Variants in HSPG2 observed in about 807,000 individuals in gnomAD.
The protein encoded by HSPG2 is heparan sulfate proteoglycan 2.
A neutral mutation model predicts 526.6 loss-of-function variants in HSPG2; 278 were observed. That is an observed-to-expected ratio of 0.53 (90% CI 0.48 to 0.58). The LOEUF is 0.58. Among genes scored for constraint, HSPG2 ranks in the 20% least tolerant of loss-of-function variants. HSPG2 has a pLI of 0.00. For missense variants in HSPG2, 5,354 were observed against 6,099.5 expected (o/e 0.88, Z 4.07); for synonymous variants, 2,465 against 2,555.4 (o/e 0.96, Z 1.07).
intron 37 of HSPG2, 138 bp downstream of exon 37, chr1:21,863,962 G>A: frequency 1.4e-6 from 1 of 713,160 alleles, no homozygotes; most frequent in Non-Finnish European, 2.5e-6. Context: ...GACCTGGCCT[G>A]CTGACCCAGG....
rs376520698 is a variant in HSPG2 at position 21,878,301 on chromosome 1, C to T, written c.2618-48G>A. On this transcript the variant is annotated intron_variant, in intron 20 of 96. Transcript: ENST00000374695. ...GCAGGGCAGGTGGGAATGGGATATA[C>T]GTGGTCCGGGCAGATAGAGGAACAG... 173 of 1,601,178 alleles carry T rather than the reference C, an allele frequency of 1.1e-4. 1 individual carries two copies. Among genetic ancestry groups the T allele is most frequent in the African/African-American group, 6.6e-4 (49 of 74,778 alleles).
chr1:21,931,949 G>A (rs952589681), intron 1 of HSPG2, among the ~76,000 whole-genome samples: 2 of 152,202 alleles, frequency 1.3e-5, no homozygotes, highest in African/African-American at 4.8e-5. Context: ...ACACTGGGCA[G>A]GGCCAGCCTG....
In HSPG2 at chr1:21,854,197, G is replaced by T. The variant is rs765103199; in HGVS notation, c.6435C>A (p.Thr2145=). ...LHGTHSGPSY[T]PVPGSTRPIR... ...CAGCCACACCTGGCTCCTCACCTGGGGTGTAGCTGGGGCCAGAATGGGTGC... is the reference window on the plus strand; with the variant it reads ...CAGCCACACCTGGCTCCTCACCTGGTGTGTAGCTGGGGCCAGAATGGGTGC... The change falls in exon 50 of 97, where the codon ACC becomes ACA. Residue 2145 remains threonine (T), a synonymous_variant. Transcript: ENST00000374695. 1.3e-6 allele frequency: 2 copies of T among 1,587,926 alleles called. No individual in the cohort carries two copies. Among genetic ancestry groups the T allele is most frequent in the East Asian group, 4.6e-5 (2 of 43,576 alleles).
In HSPG2 at chr1:21,885,410, G is replaced by A. The variant is rs759220039; in HGVS notation, c.1120C>T (p.Arg374Ter). ...PEEVCGPTQF[R>*]CVSTNMCIPA... ...ATGCACATGTTGGTAGAGACGCATC[G>A]GAACTGTGTGGGCCCGCACACTTCC... Residue 374 changes from arginine to a stop codon, truncating the protein, a stop_gained, in exon 10 of 97, where the codon CGA becomes TGA. Transcript: ENST00000374695. LOFTEE classifies it high-confidence loss of function. 7 of 1,613,964 alleles carry A rather than the reference G, an allele frequency of 4.3e-6. No homozygotes were observed. The Admixed American group carries it at 5.0e-5, about 12-fold the overall frequency.
intron 1 of HSPG2, among the ~76,000 whole-genome samples, chr1:21,909,093 G>A (rs1233365251): frequency 6.6e-6 from 1 of 152,202 alleles, no homozygotes; most frequent in Admixed American, 6.5e-5. Context: ...GGGCGACAGA[G>A]TGAGACTCCA....
intron 9 of HSPG2, among the ~76,000 whole-genome samples, chr1:21,886,131 C>T (rs932916024): frequency 1.3e-5 from 2 of 152,238 alleles, no homozygotes; most frequent in Non-Finnish European, 2.9e-5. Context: ...GCAGCTCAGG[C>T]GCTTCTGTTC....
chr1:21,824,401 G>T lies in HSPG2; in HGVS notation c.12745-25C>A, dbSNP rs1440312137. 1 of 1,613,012 alleles carries T rather than the reference G, an allele frequency of 6.2e-7. No homozygotes were observed. The highest frequency in any genetic ancestry group is 1.3e-5 in the African/African-American group (1 of 74,906). On this transcript the variant is annotated intron_variant, in intron 93 of 96. Coordinates refer to ENST00000374695, the MANE Select transcript of HSPG2 (RefSeq NM_005529.7). The surrounding 1 kb of genome is among the most constrained non-coding windows in gnomAD (Gnocchi z 5.9). ...CCTGCCAGGGAAGCACAGGGTCTCTGGGGTCCCCAGCCTGGAGAGCAGAGG... is the reference window on the plus strand; with the variant it reads ...CCTGCCAGGGAAGCACAGGGTCTCTTGGGTCCCCAGCCTGGAGAGCAGAGG...
At position 21,904,476 on chromosome 1, in the gene HSPG2, C is replaced by T. The variant is rs531773609; in HGVS notation, c.64-8166G>A. On this transcript the variant is annotated intron_variant, in intron 1 of 96. Coordinates refer to ENST00000374695, the MANE Select transcript of HSPG2 (RefSeq NM_005529.7). This position sits in a 1 kb window ranked among gnomAD's most constrained non-coding sequence, Gnocchi z 4.4. Reference sequence around the variant, plus strand: ...TTTTCCATTTAAAAGGGCCGCCCCTCAGTTGTGCTGCTGACCCGGTGCTAG... The same window carrying T: ...TTTTCCATTTAAAAGGGCCGCCCCTTAGTTGTGCTGCTGACCCGGTGCTAG... Among the ~76,000 whole-genome samples the T allele has an allele frequency of 9.2e-5, 14 of 152,246 alleles. No individual in the cohort carries two copies. Among genetic ancestry groups the T allele is most frequent in the African/African-American group, 3.4e-4 (14 of 41,546 alleles).
At position 21,915,131 on chromosome 1, in the gene HSPG2, C is replaced by T. The variant is rs1044526728; in HGVS notation, c.64-18821G>A. 2.4e-4 allele frequency among the ~76,000 whole-genome samples: 37 copies of T among 152,254 alleles called. 1 individual carries two copies. Among genetic ancestry groups the T allele is most frequent in the Admixed American group, 2.2e-3 (34 of 15,294 alleles). On this transcript the variant is annotated intron_variant, in intron 1 of 96. Transcript: ENST00000374695. ...AGCCCTCACGGGCACCCGGCCAGATCGTGAGGCCCAGCCAAGTGCAAACAG... is the reference window on the plus strand; with the variant it reads ...AGCCCTCACGGGCACCCGGCCAGATTGTGAGGCCCAGCCAAGTGCAAACAG...
chr1:21,873,919 C>A lies in HSPG2; in HGVS notation c.3743+6G>T, dbSNP rs1295478686. The stretch of plus-strand genomic sequence containing the variant: ...ATCCCCCCACCCTCTCCACCCCCTG[C>A]CTCACCTCTCACAGTGACGCCCACT... On this transcript the variant is annotated splice_donor_region_variant and intron_variant, in intron 29 of 96. Transcript: ENST00000374695. 5.7e-6 allele frequency: 9 copies of A among 1,577,006 alleles called. No homozygotes were observed. The highest frequency in any genetic ancestry group is 7.8e-6 in the Non-Finnish European group (9 of 1,160,530).
chr1:21,909,936 C>T (rs967799326), intron 1 of HSPG2, among the ~76,000 whole-genome samples: 1 of 152,234 alleles, frequency 6.6e-6, no homozygotes, highest in Non-Finnish European at 1.5e-5. Context: ...CCCCACCCAC[C>T]AGGCTCCCCC....
chr1:21,864,039 C>T lies in HSPG2; in HGVS notation c.4740+61G>A. ...GGATTGATGCCTGCCTTGTCCAGCC[C>T]TGGTCCCCCACCCAGGCCCAGCTGA... On this transcript the variant is annotated intron_variant, in intron 37 of 96. Transcript: ENST00000374695. The surrounding 1 kb of genome is among the most constrained non-coding windows in gnomAD (Gnocchi z 4.8). 2.3e-6 allele frequency: 3 copies of T among 1,310,532 alleles called. No homozygotes were observed. The highest frequency in any genetic ancestry group is 3.2e-6 in the Non-Finnish European group (3 of 929,574). 81.2% of individuals were successfully genotyped at this position (1,310,532 alleles called of 1,614,324 possible).
Position 21,880,836 on chromosome 1 carries a change from C to T in HSPG2, c.1819-1G>A, listed in dbSNP as rs868479224. 6.3e-7 allele frequency: 1 copy of T among 1,589,638 alleles called. No individual in the cohort carries two copies. The highest frequency in any genetic ancestry group is 8.6e-7 in the Non-Finnish European group (1 of 1,169,102). On this transcript the variant is annotated splice_acceptor_variant, in intron 14 of 96. Transcript: ENST00000374695. LOFTEE classifies it high-confidence loss of function. ...GCAGGGAGCCGCCATAGGAGTCCACCTGGCACAACAGGGTGGATCAGCACG... is the reference window on the plus strand; with the variant it reads ...GCAGGGAGCCGCCATAGGAGTCCACTTGGCACAACAGGGTGGATCAGCACG...
chr1:21,850,229 G>C, intron 56 of HSPG2, 37 bp from the exon 57 acceptor site: 1 of 1,612,984 alleles, frequency 6.2e-7, no homozygotes, highest in Non-Finnish European at 8.5e-7. Context: ...AGCCGGCTAG[G>C]AGGTGAGATG....
intron 14 of HSPG2, 129 bp downstream of exon 14, chr1:21,881,210 C>T: frequency 8.8e-7 from 1 of 1,140,308 alleles, no homozygotes; most frequent in Non-Finnish European, 1.3e-6. Context: ...GAGCCGCTGC[C>T]ACAGGGGGCT....
intron 1 of HSPG2, among the ~76,000 whole-genome samples, chr1:21,924,752 G>A (rs541673385): frequency 1.2e-4 from 19 of 152,222 alleles, no homozygotes; most frequent in African/African-American, 4.3e-4. Context: ...CTGGCAGCAA[G>A]CGAGTGTCTT....
At chr1:21,925,535 C>T (rs1644165892) in intron 1 of HSPG2, among the ~76,000 whole-genome samples, 1 of 152,190 alleles carries the variant, frequency 6.6e-6, no homozygotes, top group Non-Finnish European at 1.5e-5. Context: ...AATCAGGGTT[C>T]CCAGGGGTCT....
chr1:21,874,406 T>C lies in HSPG2; in HGVS notation c.3656A>G (p.Gln1219Arg). ...AGGTGCAGGCAGGGACTGGACGCAC[T>C]GGCCGGCAGCAGGGTCTCCGTAGCA... The part of the protein sequence containing the change: ...CPCYGDPAAG[Q>R]AAHTCFLDTD... The change falls in exon 28 of 97, where the codon CAG becomes CGG. Residue 1219 changes from glutamine to arginine, a missense_variant and splice_region_variant. By Grantham distance (43) the Gln-to-Arg change is conservative. Transcript: ENST00000374695. 1 of 1,611,356 alleles carries C rather than the reference T, an allele frequency of 6.2e-7. No homozygotes were observed. Among genetic ancestry groups the C allele is most frequent in the East Asian group, 2.2e-5 (1 of 44,866 alleles).
chr1:21,881,438 G>A lies in HSPG2; in HGVS notation c.1719C>T (p.Ile573=), dbSNP rs751659997. The change falls in exon 14 of 97, where the codon ATC becomes ATT. Residue 573 remains isoleucine, a synonymous_variant. Transcript: ENST00000374695. ...GCTGGAACTCGTGCAGGGATGGGTC[G>A]ATCTGCAGCTGCGTGGAGGAGAGGG... The part of the protein sequence containing the change: ...TPPLSSTQLQ[I]DPSLHEFQLV... 6 of 1,613,712 alleles carry A rather than the reference G, an allele frequency of 3.7e-6. No homozygotes were observed. The African/African-American group carries it at 4.0e-5, about 11-fold the overall frequency.
Sources: gnomAD v4.1 joint callset for allele counts (sites outside exome capture counted in the v4.1 genomes callset) on GRCh38, gnomAD v4.1.1 for gene constraint, Gnocchi (gnomAD v3.1) non-coding constraint, MANE v1.5 for transcripts, NCBI Gene and HGNC (gene_info 2026-07-23, HGNC 2026-07-21) for gene names.